The following HDAC4 variants were observed in gnomAD, a reference collection of about 807,000 sequenced individuals.
The protein encoded by HDAC4 is histone deacetylase 4.
A neutral mutation model predicts 135.1 loss-of-function variants in HDAC4; 16 were observed. The observed-to-expected ratio is 0.12, with a 90% CI of 0.08 to 0.18. The LOEUF (loss-of-function observed/expected upper bound fraction) is 0.18, where lower values mean the gene tolerates loss of function less well. HDAC4 is among the 10% of genes least tolerant of loss of function. The pLI, the probability that HDAC4 is intolerant of heterozygous loss-of-function variation, is 1.00. For synonymous variants in HDAC4, 685 were observed against 653.4 expected (o/e 1.05, Z -0.74); for missense variants, 1,143 against 1,511.8 (o/e 0.76, Z 4.05).
At chr2:239,057,258 TA>T (rs1201737124) in intron 24 of HDAC4, among the ~76,000 whole-genome samples, 1 of 152,264 alleles carries the variant, frequency 6.6e-6, no homozygotes, top group Non-Finnish European at 1.5e-5. Context: ...TAACTTTTAA[TA>T]AGTTTTAATT....
intron 12 of HDAC4, among the ~76,000 whole-genome samples, chr2:239,118,675 C>T (rs1010915787): frequency 2.6e-5 from 4 of 152,166 alleles, no homozygotes; most frequent in South Asian, 4.2e-4. Flanking sequence ...CATTTCACAA[C>T]GCATACAAGT....
intron 1 of HDAC4, among the ~76,000 whole-genome samples, chr2:239,394,794 CCATT>C (rs1696456527): frequency 6.6e-6 from 1 of 152,280 alleles, no homozygotes; most frequent in Non-Finnish European, 1.5e-5. Flanking sequence ...ACCTACTCAT[CCATT>C]CATTCATTCA....
chr2:239,155,253 C>G (rs1469500926), intron 7 of HDAC4, among the ~76,000 whole-genome samples: 1 of 151,636 alleles, frequency 6.6e-6, no homozygotes, highest in African/African-American at 2.4e-5. Context: ...GGGAACATGG[C>G]CGGCCTGATA....
chr2:239,233,955 GACTGACATAACATATAC>G (rs1461869482), intron 3 of HDAC4, among the ~76,000 whole-genome samples: 2 of 152,136 alleles, frequency 1.3e-5, no homozygotes, highest in African/African-American at 4.8e-5. Flanking sequence ...AGCAATTGAG[GACTGACATAACATATAC>G]CTAAAAATGT....
At chr2:239,100,519 C>T (rs1028925314) in intron 16 of HDAC4, among the ~76,000 whole-genome samples, 1 of 152,180 alleles carries the variant, frequency 6.6e-6, no homozygotes, top group African/African-American at 2.4e-5. Flanking sequence ...CACTGTCTGC[C>T]CCCAGCCTCC....
Position 239,262,272 on chromosome 2 carries a change from T to G in HDAC4, c.23-25608A>C, listed in dbSNP as rs115976629. ...AAATTTCTGTGATGTGAGATAAAAT[T>G]TTAGTGGGATTACAGAAACCTTGGC... On this transcript the variant is annotated intron_variant, in intron 2 of 26. Coordinates refer to ENST00000543185, the MANE Select transcript of HDAC4 (RefSeq NM_001378414.1). The surrounding 1 kb of genome is among the most constrained non-coding windows in gnomAD (Gnocchi z 4.1). Among the ~76,000 whole-genome samples the G allele has an allele frequency of 3.0e-3, 455 of 152,196 alleles. No individual in the cohort carries two copies. Among genetic ancestry groups the G allele is most frequent in the African/African-American group, 0.011 (438 of 41,518 alleles).
intron 3 of HDAC4, 96 bp from the exon 4 acceptor site, chr2:239,190,173 G>A: frequency 1.4e-6 from 2 of 1,434,322 alleles, no homozygotes; most frequent in Non-Finnish European, 1.8e-6. Context: ...CCTTCACGGG[G>A]CGGGGGGGGG....
chr2:239,137,922 CG>C (rs1166136825), intron 9 of HDAC4, among the ~76,000 whole-genome samples: 3 of 152,198 alleles, frequency 2.0e-5, no homozygotes, highest in African/African-American at 7.2e-5. Context: ...GCTTCATTTA[CG>C]TATCGTGATT....
At chr2:239,344,371 C>T (rs1051152569) in intron 2 of HDAC4, among the ~76,000 whole-genome samples, 1 of 152,132 alleles carries the variant, frequency 6.6e-6, no homozygotes, top group African/African-American at 2.4e-5. Flanking sequence ...ACAATAGTGG[C>T]TTTGAAAAAG....
At chr2:239,138,940 C>A (rs897511072) in intron 9 of HDAC4, among the ~76,000 whole-genome samples, 1 of 152,210 alleles carries the variant, frequency 6.6e-6, no homozygotes, top group Non-Finnish European at 1.5e-5. Context: ...CTCCTCCCTG[C>A]CTTGCCACTC....
chr2:239,279,998 C>T (rs2050612758), intron 2 of HDAC4, among the ~76,000 whole-genome samples: 1 of 152,176 alleles, frequency 6.6e-6, no homozygotes, highest in Non-Finnish European at 1.5e-5. Flanking sequence ...CATCTCATCC[C>T]TTCCACTCCT....
rs1339624541 is a variant in HDAC4, at chr2:239,236,582, G to GGC, written c.94+9_94+10dup. The stretch of plus-strand genomic sequence containing the variant: ...GGGCCGGCCGGACAGGGCAGGGGTG[G>GGC]GCGGACTTACCCGTGCTGGGCATGT... On this transcript the variant is annotated intron_variant, in intron 3 of 26. Transcript: ENST00000543185. 1 of 1,550,000 alleles carries GGC rather than the reference G, an allele frequency of 6.5e-7. No individual in the cohort carries two copies. The highest frequency in any genetic ancestry group is 2.0e-5 in the Admixed American group (1 of 50,996).
chr2:239,144,688 A>T lies in HDAC4; in HGVS notation c.760T>A (p.Ser254Thr). 6 of 1,614,092 alleles carry T rather than the reference A, an allele frequency of 3.7e-6. No individual in the cohort carries two copies. The highest frequency in any genetic ancestry group is 5.1e-6 in the Non-Finnish European group (6 of 1,180,004). Reference sequence around the variant, plus strand: ...TCGGCCACTTTCTGCTTTAGCCTGGACCGTAATTTCAGATTCGGTTCAGAA... The same window carrying T: ...TCGGCCACTTTCTGCTTTAGCCTGGTCCGTAATTTCAGATTCGGTTCAGAA... The part of the protein sequence containing the change: ...TASEPNLKLR[S>T]RLKQKVAERR... Residue 254 changes from serine to threonine, a missense_variant, in exon 8 of 27, where the codon TCC (serine) becomes ACC (threonine). Coordinates refer to ENST00000543185, the MANE Select transcript of HDAC4 (RefSeq NM_001378414.1).
At chr2:239,090,682 T>C (rs2036431709) in intron 17 of HDAC4, among the ~76,000 whole-genome samples, 1 of 151,150 alleles carries the variant, frequency 6.6e-6, no homozygotes, top group East Asian at 1.9e-4. Context: ...TTTTGAGCGC[T>C]TACGTGACGC....
chr2:239,371,055 T>C (rs931107881), intron 1 of HDAC4, among the ~76,000 whole-genome samples: 1 of 152,180 alleles, frequency 6.6e-6, no homozygotes, highest in Non-Finnish European at 1.5e-5. Flanking sequence ...CCTCAGCTCC[T>C]GGCAGCCACA....
chr2:239,189,041 AGT>A (rs1273129110), intron 4 of HDAC4, among the ~76,000 whole-genome samples: 1 of 152,262 alleles, frequency 6.6e-6, no homozygotes, highest in African/African-American at 2.4e-5. Context: ...TAAACTGCTA[AGT>A]GTTGGGGTAA....
chr2:239,358,401 TTTTG>T (rs547989975), intron 1 of HDAC4, among the ~76,000 whole-genome samples: 6 of 152,330 alleles, frequency 3.9e-5, no homozygotes, highest in African/African-American at 7.2e-5. Context: ...CAATCCAGTC[TTTTG>T]TTTGTTTGTT....
Position 239,161,852 on chromosome 2 carries a change from T to C in HDAC4, c.611+1951A>G, listed in dbSNP as rs896808639. On this transcript the variant is annotated intron_variant, in intron 6 of 26. Coordinates refer to ENST00000543185, the MANE Select transcript of HDAC4 (RefSeq NM_001378414.1). ...CCCTGGAAGCCCCCCATCTCCCGTC[T>C]CTCAGCACGTCCCTCAGCGCCCTGA... 1.1e-4 allele frequency: 41 copies of C among 378,560 alleles called. No homozygotes were observed. The Admixed American group carries it at 1.4e-3, about 13-fold the overall frequency. The allele number at this position is 378,560 out of a possible 1,614,324, so 23.5% of individuals were successfully genotyped here. A position where few individuals can be genotyped will look rare whatever the true frequency, so the allele number is the denominator to read the frequency against.
Position 239,111,723 on chromosome 2 carries a change from G to GA in HDAC4, c.1792-12dup. 1 of 1,586,738 alleles carries GA rather than the reference G, an allele frequency of 6.3e-7. No homozygotes were observed. Among genetic ancestry groups the GA allele is most frequent in the East Asian group, 2.3e-5 (1 of 43,102 alleles). On this transcript the variant is annotated splice_polypyrimidine_tract_variant and intron_variant, in intron 13 of 26. Coordinates refer to ENST00000543185, the MANE Select transcript of HDAC4 (RefSeq NM_001378414.1). ...CAGCAGGAGGGCTTGCTGCGGGGAA[G>GA]AAACGGCCGTGTTGGCGGTTGCGGA...
Sources: allele counts gnomAD v4.1 joint callset (sites outside exome capture counted in the v4.1 genomes callset), GRCh38; gene constraint gnomAD v4.1.1; non-coding constraint Gnocchi (gnomAD v3.1); transcripts MANE v1.5; gene names NCBI Gene and HGNC (gene_info 2026-07-23, HGNC 2026-07-21).